The following HADHA variants were observed in gnomAD, a reference collection of about 807,000 sequenced individuals.
HADHA encodes trifunctional enzyme subunit alpha, mitochondrial.
HADHA carries 59 observed loss-of-function variants against 91.3 expected under a neutral mutation model. That is an observed-to-expected ratio of 0.65 (90% CI 0.52 to 0.80). The LOEUF (loss-of-function observed/expected upper bound fraction) is 0.80, where lower values mean the gene tolerates loss of function less well. Ranked by LOEUF, HADHA falls within the 30% of genes least tolerant of loss-of-function variation. HADHA has a pLI of 0.00. For missense variants in HADHA, 800 were observed against 927.6 expected (o/e 0.86, Z 1.79); for synonymous variants, 320 against 338.9 (o/e 0.94, Z 0.61).
At chr2:26,233,410 T>C (rs1670672499) in intron 5 of HADHA, among the ~76,000 whole-genome samples, 1 of 152,262 alleles carries the variant, frequency 6.6e-6, no homozygotes, top group East Asian at 1.9e-4. Flanking sequence ...AATGACTGCA[T>C]ATGTGAAAGT....
At chr2:26,222,659 A>C (rs768336018) in intron 7 of HADHA, among the ~76,000 whole-genome samples, 2 of 152,030 alleles carry the variant, frequency 1.3e-5, no homozygotes, top group African/African-American at 2.4e-5. Flanking sequence ...TGGTAAGTGG[A>C]CTTATTTGTG....
chr2:26,206,267 C>T (rs77298789), intron 11 of HADHA, among the ~76,000 whole-genome samples: 7 of 150,314 alleles, frequency 4.7e-5, no homozygotes, highest in African/African-American at 7.4e-5. Flanking sequence ...TCACTCTTGC[C>T]GCCCAGGGTG....
chr2:26,194,514 T>A, intron 16 of HADHA, 56 bp downstream of exon 16: 1 of 1,044,798 alleles, frequency 9.6e-7, no homozygotes, highest in Non-Finnish European at 1.5e-6. Context: ...ATCATGAGTT[T>A]TAGAGTGACT....
intron 11 of HADHA, among the ~76,000 whole-genome samples, 187 bp from the exon 12 acceptor site, chr2:26,204,383 C>T (rs2147762570): frequency 6.6e-6 from 1 of 152,284 alleles, no homozygotes; most frequent in African/African-American, 2.4e-5. Flanking sequence ...AGTGCAAAAA[C>T]CCACCAGGTC....
chr2:26,239,984 T>C (rs1398261172), intron 1 of HADHA, among the ~76,000 whole-genome samples: 1 of 152,192 alleles, frequency 6.6e-6, no homozygotes, highest in Non-Finnish European at 1.5e-5. Flanking sequence ...TAATAGTATG[T>C]TTCCTGCTTT....
chr2:26,205,006 T>A (rs1233100950), intron 11 of HADHA, among the ~76,000 whole-genome samples: 1 of 152,192 alleles, frequency 6.6e-6, no homozygotes, highest in African/African-American at 2.4e-5. Context: ...CATATGCACA[T>A]TGCTACCTTT....
At chr2:26,192,576 A>G (rs1669540815) in intron 17 of HADHA, 152 bp from the exon 18 acceptor site, 1 of 672,476 alleles carries the variant, frequency 1.5e-6, no homozygotes, top group Non-Finnish European at 2.7e-6. Context: ...ATTTGAGGTC[A>G]GGAGTTTGAG....
chr2:26,230,217 CA>C lies in HADHA; in HGVS notation c.650del (p.Leu217ArgfsTer13). Reference sequence around the variant, plus strand: ...CCAGGGGTTCCACCAGTTGGTCAACCAGTCCCATTTTCTTTGCCCTGTCTGC... The same window carrying C: ...CCAGGGGTTCCACCAGTTGGTCAACCGTCCCATTTTCTTTGCCCTGTCTGC... ...IRADRAKKMG[L>X]VDQLVEPLGP... On this transcript the variant is annotated frameshift_variant, in exon 7 of 20. Transcript: ENST00000380649. LOFTEE classifies it high-confidence loss of function. 1 of 1,611,094 alleles carries C rather than the reference CA, an allele frequency of 6.2e-7. No individual in the cohort carries two copies. The highest frequency in any genetic ancestry group is 2.2e-5 in the East Asian group (1 of 44,868).
intron 10 of HADHA, among the ~76,000 whole-genome samples, chr2:26,211,147 A>G (rs1670090598): frequency 6.6e-6 from 1 of 152,234 alleles, no homozygotes; most frequent in Non-Finnish European, 1.5e-5. Context: ...TTACATATAT[A>G]AAAAGCGGAA....
At chr2:26,194,374 G>T (rs1435323658) in intron 16 of HADHA, among the ~76,000 whole-genome samples, 196 bp downstream of exon 16, 1 of 152,152 alleles carries the variant, frequency 6.6e-6, no homozygotes, top group African/African-American at 2.4e-5. Context: ...GGGGCAGAGG[G>T]AAAGCTCTGC....
At chr2:26,202,506 T>C (rs917756081) in intron 12 of HADHA, among the ~76,000 whole-genome samples, 1 of 152,300 alleles carries the variant, frequency 6.6e-6, no homozygotes, top group Middle Eastern at 3.4e-3. Context: ...TTTGGGAGGC[T>C]GCAGCAGGCG....
At chr2:26,195,388 T>C (rs530516282) in intron 14 of HADHA, among the ~76,000 whole-genome samples, 156 bp from the exon 15 acceptor site, 1 of 152,054 alleles carries the variant, frequency 6.6e-6, no homozygotes. Flanking sequence ...GGGTCTTTGA[T>C]AAAAGTTTAG....
chr2:26,193,700 C>G lies in HADHA; in HGVS notation c.1762G>C (p.Val588Leu), dbSNP rs963053598. ...FGFPVGAATL[V>L]DEVGVDVAKH... is the part of the protein sequence containing the mutation. ...GCTACATCCACACCAACTTCATCCA[C>G]CAGTGTGGCGGCACCCACAGGAAAG... Residue 588 changes from valine (V) to leucine (L), a missense_variant, in exon 17 of 20, where the codon GTG (valine) becomes CTG (leucine). Val to Leu is a conservative substitution (Grantham distance 32). Coordinates refer to ENST00000380649, the MANE Select transcript of HADHA (RefSeq NM_000182.5). 10 of 1,613,998 alleles carry G rather than the reference C, an allele frequency of 6.2e-6. No homozygotes were observed. The highest frequency in any genetic ancestry group is 8.5e-6 in the Non-Finnish European group (10 of 1,179,856).
In HADHA at chr2:26,191,607, C is replaced by T. The variant is rs1479427836; in HGVS notation, c.2022G>A (p.Gln674=). The T allele has an allele frequency of 6.2e-7, 1 of 1,614,080 alleles. No homozygotes were observed. Among genetic ancestry groups the T allele is most frequent in the East Asian group, 2.2e-5 (1 of 44,874 alleles). ...TCACAAATCTTGTCACCAGGCGGAACTGGATGTCTTCGTCTGATGAGCTGC... is the reference window on the plus strand; with the variant it reads ...TCACAAATCTTGTCACCAGGCGGAATTGGATGTCTTCGTCTGATGAGCTGC... The part of the protein sequence containing the change: ...KSEVSSDEDI[Q]FRLVTRFVNE... Residue 674 remains glutamine (Q), a synonymous_variant, in exon 19 of 20, where the codon CAG becomes CAA. Transcript: ENST00000380649.
chr2:26,226,971 A>C (rs147231736), intron 7 of HADHA, among the ~76,000 whole-genome samples: 99 of 152,348 alleles, frequency 6.5e-4, no homozygotes, highest in South Asian at 1.7e-3. Flanking sequence ...CTTCATTAAA[A>C]TTAAGAATTT....
At chr2:26,204,015 G>GA (rs1484341523) in intron 12 of HADHA, 47 bp downstream of exon 12, 1 of 1,597,946 alleles carries the variant, frequency 6.3e-7, no homozygotes, top group Admixed American at 1.7e-5. Context: ...AACTAACCAA[G>GA]AAACAAAGGA....
At chr2:26,218,461 A>C (rs1366128877) in intron 7 of HADHA, among the ~76,000 whole-genome samples, 1 of 152,240 alleles carries the variant, frequency 6.6e-6, no homozygotes, top group Non-Finnish European at 1.5e-5. Context: ...AAACCAAATC[A>C]GATGGGAATC....
chr2:26,197,315 T>C (rs1669702486), intron 14 of HADHA, among the ~76,000 whole-genome samples: 1 of 152,154 alleles, frequency 6.6e-6, no homozygotes, highest in African/African-American at 2.4e-5. Context: ...ATTCCTGCCA[T>C]TCCCTGATCT....
chr2:26,204,114 T>TA lies in HADHA; in HGVS notation c.1167dup (p.Lys390Ter), dbSNP rs2147762308. On this transcript the variant is annotated frameshift_variant, in exon 12 of 20. Transcript: ENST00000380649. LOFTEE classifies it high-confidence loss of function. ...TCTAGCGCAGTGAGGGTGGCATCTT[T>TA]AAGTATAGTCTTTAGCCCCTTATCC... 6.2e-7 allele frequency: 1 copy of TA among 1,613,934 alleles called. No individual in the cohort carries two copies. Among genetic ancestry groups the TA allele is most frequent in the Non-Finnish European group, 8.5e-7 (1 of 1,179,768 alleles).
Sources: gnomAD v4.1 joint callset for allele counts (sites outside exome capture counted in the v4.1 genomes callset) on GRCh38, gnomAD v4.1.1 for gene constraint, MANE v1.5 for transcripts, NCBI Gene and HGNC (gene_info 2026-07-23, HGNC 2026-07-21) for gene names.